The following AR variants were observed in gnomAD, a reference collection of about 807,000 sequenced individuals.
AR encodes the protein dihydrotestosterone receptor.
A neutral mutation model predicts 53.9 loss-of-function variants in AR; 8 were observed. The ratio of observed to expected loss-of-function variants is 0.15; its 90% CI spans 0.09 to 0.27. AR has a LOEUF of 0.27. Among genes scored for constraint, AR ranks in the 10% least tolerant of loss-of-function variants. AR has a pLI of 1.00. For missense variants in AR, 639 were observed against 742.5 expected (o/e 0.86, Z 1.62); for synonymous variants, 359 against 316.4 (o/e 1.13, Z -1.43).
intron 5 of AR, among the ~76,000 whole-genome samples, 160 bp from the exon 6 acceptor site, chrX:67,721,669 GACAA>G (rs1397809292): frequency 1.1e-4 from 12 of 111,511 alleles, no homozygotes; most frequent in Non-Finnish European, 2.1e-4. Flanking sequence ...CAAACAAACA[GACAA>G]ACAAACAAAA....
intron 3 of AR, among the ~76,000 whole-genome samples, chrX:67,708,231 G>T (rs1452189063): frequency 8.9e-6 from 1 of 112,063 alleles, no homozygotes; most frequent in Middle Eastern, 4.2e-3. Flanking sequence ...ATATCCTGCA[G>T]AGTGTTTTCC....
At chrX:67,551,851 T>C (rs970661766) in intron 1 of AR, among the ~76,000 whole-genome samples, 1 of 111,553 alleles carries the variant, frequency 9.0e-6, no homozygotes, top group African/African-American at 3.3e-5. Context: ...TGCACACTCA[T>C]GGGTGATGCT....
At chrX:67,708,806 C>G (rs2076080499) in intron 3 of AR, among the ~76,000 whole-genome samples, 1 of 111,784 alleles carries the variant, frequency 8.9e-6, no homozygotes, top group African/African-American at 3.3e-5. Flanking sequence ...TGGTGACATA[C>G]AGATGGGATT....
chrX:67,685,219 G>A (rs1483212412), intron 2 of AR, among the ~76,000 whole-genome samples: 1 of 111,959 alleles, frequency 8.9e-6, no homozygotes, highest in Non-Finnish European at 1.9e-5. Context: ...CTGAGAGCCT[G>A]CTGTGTGCCA....
intron 1 of AR, among the ~76,000 whole-genome samples, chrX:67,635,050 G>C (rs113484075): frequency 0.091 from 6,020 of 66,407 alleles, 596 homozygotes; most frequent in African/African-American, 0.3. Flanking sequence ...CTACACCCCC[G>C]CAACCCCCAC....
chrX:67,719,863 G>A (rs2076128469), intron 5 of AR, among the ~76,000 whole-genome samples: 1 of 111,670 alleles, frequency 9.0e-6, no homozygotes, highest in Non-Finnish European at 1.9e-5. Flanking sequence ...CAGACCCAAA[G>A]AGAGAGAGAA....
At position 67,725,322 on chromosome X, in the gene AR, A is replaced by G. The variant is rs750411550; in HGVS notation, c.*1481A>G. On this transcript the variant is annotated 3_prime_UTR_variant, in exon 8 of 8. Transcript: ENST00000374690. The stretch of plus-strand genomic sequence containing the variant: ...CCCTTAGACAAACTGGAAAGAAGGC[A>G]TCAAAGGGATCAGGCAAGCTGGGCG... 1.4e-4 allele frequency: 25 copies of G among 173,713 alleles called. No individual in the cohort carries two copies. Among genetic ancestry groups the G allele is most frequent in the Non-Finnish European group, 2.3e-4 (21 of 91,238 alleles). 14.3% of individuals were successfully genotyped at this position (173,713 alleles called of 1,213,427 possible).
intron 2 of AR, among the ~76,000 whole-genome samples, chrX:67,662,977 A>G (rs113231191): frequency 0.069 from 7,625 of 110,963 alleles, 669 homozygotes; most frequent in African/African-American, 0.24. Context: ...CGTTTGCTTG[A>G]TAAATCTTCT....
At chrX:67,619,043 A>G (rs960382430) in intron 1 of AR, among the ~76,000 whole-genome samples, 3 of 111,730 alleles carry the variant, frequency 2.7e-5, no homozygotes, top group Non-Finnish European at 5.7e-5. Context: ...TCTCACCTGT[A>G]ACTTCAGATT....
chrX:67,550,738 A>G (rs1929960648), intron 1 of AR, among the ~76,000 whole-genome samples: 1 of 107,736 alleles, frequency 9.3e-6, no homozygotes, highest in South Asian at 4.1e-4. Flanking sequence ...CCTACCCCCC[A>G]CCTCCACCAT....
intron 7 of AR, among the ~76,000 whole-genome samples, chrX:67,723,314 G>C (rs4993619): frequency 0.22 from 2,809 of 12,615 alleles, 105 homozygotes; most frequent in Admixed American, 0.5. Flanking sequence ...TTGTCTGTCT[G>C]TGTGTGTGTG....
intron 2 of AR, among the ~76,000 whole-genome samples, chrX:67,678,867 G>A (rs781283538): frequency 2.8e-4 from 31 of 111,496 alleles, no homozygotes; most frequent in African/African-American, 9.8e-4. Context: ...TGGTTACCAG[G>A]GACTGGGAGG....
chrX:67,699,583 T>A (rs2076034427), intron 3 of AR, among the ~76,000 whole-genome samples: 1 of 111,390 alleles, frequency 9.0e-6, no homozygotes, highest in Non-Finnish European at 1.9e-5. Flanking sequence ...TCAACTGAAT[T>A]AGCACCTTCA....
At chrX:67,657,437 T>C (rs1232238058) in intron 2 of AR, among the ~76,000 whole-genome samples, 1 of 111,418 alleles carries the variant, frequency 9.0e-6, no homozygotes, top group East Asian at 2.8e-4. Context: ...CCCTCTCCTG[T>C]ACTCCACATC....
intron 2 of AR, chrX:67,680,668 A>G (rs1379906706): frequency 6.1e-6 from 2 of 327,946 alleles, no homozygotes; most frequent in Non-Finnish European, 1.2e-5. Context: ...GCATAATGTG[A>G]TGCCACTAAT....
At chrX:67,593,332 A>C (rs1252476691) in intron 1 of AR, among the ~76,000 whole-genome samples, 2 of 110,012 alleles carry the variant, frequency 1.8e-5, no homozygotes, top group Admixed American at 9.7e-5. Context: ...TCAGTAATTC[A>C]GTAATAAGTT....
At chrX:67,606,063 A>T (rs772710235) in intron 1 of AR, among the ~76,000 whole-genome samples, 74 of 111,655 alleles carry the variant, frequency 6.6e-4, no homozygotes, top group African/African-American at 2.2e-3. Flanking sequence ...TATTTTTTTT[A>T]AATTTCATAG....
At chrX:67,604,227 TGTG>T (rs1302622663) in intron 1 of AR, among the ~76,000 whole-genome samples, 2 of 106,044 alleles carry the variant, frequency 1.9e-5, no homozygotes, top group Non-Finnish European at 3.9e-5. Flanking sequence ...TGTGTGTGTG[TGTG>T]TGTGTGTGTG....
chrX:67,642,888 G>T (rs763860701), intron 1 of AR, among the ~76,000 whole-genome samples: 30 of 111,817 alleles, frequency 2.7e-4, no homozygotes, highest in Admixed American at 1.9e-3. Flanking sequence ...TTTGGATGAG[G>T]TAAAGTTACA....
Sources: allele counts gnomAD v4.1 joint callset (sites outside exome capture counted in the v4.1 genomes callset), GRCh38; gene constraint gnomAD v4.1.1; transcripts MANE v1.5; gene names NCBI Gene and HGNC (gene_info 2026-07-23, HGNC 2026-07-21).